Variants in LDB2 observed in about 807,000 individuals in gnomAD.
The protein encoded by LDB2 is LIM domain binding 2.
A neutral mutation model predicts 44.3 loss-of-function variants in LDB2; 12 were observed. The ratio of observed to expected loss-of-function variants is 0.27; its 90% CI spans 0.17 to 0.44. The LOEUF is 0.44. Ranked by LOEUF, LDB2 falls within the 20% of genes least tolerant of loss-of-function variation. LDB2 has a pLI of 1.00. For missense variants in LDB2, 344 were observed against 473.5 expected (o/e 0.73, Z 2.54); for synonymous variants, 164 against 174.8 (o/e 0.94, Z 0.49).
intron 2 of LDB2, among the ~76,000 whole-genome samples, chr4:16,614,580 C>CAAAAAAAAAAA (rs1164613202): frequency 4.5e-3 from 241 of 53,218 alleles, no homozygotes; most frequent in Non-Finnish European, 6.1e-3. Flanking sequence ...CAAGAAAAAA[C>CAAAAAAAAAAA]AAAAAAAAAA....
At chr4:16,846,416 G>GTAA (rs1157354306) in intron 1 of LDB2, among the ~76,000 whole-genome samples, 1 of 152,280 alleles carries the variant, frequency 6.6e-6, no homozygotes, top group East Asian at 1.9e-4. Context: ...GGTGCTGTTG[G>GTAA]TAAGCAAAAG....
chr4:16,696,786 G>C (rs1752224411), intron 2 of LDB2, among the ~76,000 whole-genome samples: 1 of 152,170 alleles, frequency 6.6e-6, no homozygotes, highest in Admixed American at 6.5e-5. Flanking sequence ...CTGCCAATGG[G>C]CTGTTTCTGC....
intron 2 of LDB2, among the ~76,000 whole-genome samples, chr4:16,664,965 A>G (rs942885086): frequency 1.2e-4 from 19 of 152,230 alleles, no homozygotes; most frequent in African/African-American, 4.6e-4. Context: ...GGCTAGGCCT[A>G]ACTAGGGTCT....
intron 2 of LDB2, among the ~76,000 whole-genome samples, chr4:16,630,485 C>A (rs1325879063): frequency 1.3e-5 from 2 of 152,042 alleles, no homozygotes; most frequent in Non-Finnish European, 1.5e-5. Flanking sequence ...GCAAAACATG[C>A]CAAATTGTAA....
At chr4:16,674,500 A>T (rs1392580445) in intron 2 of LDB2, among the ~76,000 whole-genome samples, 2 of 152,156 alleles carry the variant, frequency 1.3e-5, no homozygotes, top group Non-Finnish European at 2.9e-5. Flanking sequence ...CATGCTTATT[A>T]TAAGTTCATT....
At chr4:16,885,578 A>G (rs1017283804) in intron 1 of LDB2, among the ~76,000 whole-genome samples, 4 of 152,174 alleles carry the variant, frequency 2.6e-5, no homozygotes, top group Admixed American at 6.5e-5. Flanking sequence ...TGTCCTTCAG[A>G]GGTGTCATAA....
chr4:16,589,610 T>G (rs1351248288), intron 3 of LDB2, among the ~76,000 whole-genome samples: 1 of 152,214 alleles, frequency 6.6e-6, no homozygotes, highest in Non-Finnish European at 1.5e-5. Context: ...AGCATGTAGT[T>G]CCTATTTTAT....
chr4:16,608,532 C>T (rs896274057), intron 2 of LDB2, among the ~76,000 whole-genome samples: 2 of 152,206 alleles, frequency 1.3e-5, no homozygotes, highest in African/African-American at 2.4e-5. Context: ...CAAGAGAAAG[C>T]GGCCTCTGCG....
intron 2 of LDB2, among the ~76,000 whole-genome samples, chr4:16,715,746 A>T (rs1756941796): frequency 1.3e-5 from 2 of 152,072 alleles, no homozygotes; most frequent in Admixed American, 1.3e-4. Flanking sequence ...TACTAAGAGG[A>T]TCTCCTCAAC....
At chr4:16,717,919 T>C (rs904572472) in intron 2 of LDB2, among the ~76,000 whole-genome samples, 1 of 152,176 alleles carries the variant, frequency 6.6e-6, no homozygotes, top group African/African-American at 2.4e-5. Flanking sequence ...AAACTCAGTA[T>C]GACAGCAATA....
intron 1 of LDB2, among the ~76,000 whole-genome samples, chr4:16,802,076 C>T (rs747916814): frequency 1.4e-4 from 21 of 152,120 alleles, no homozygotes; most frequent in Non-Finnish European, 1.9e-4. Context: ...GGTGAATTAG[C>T]GAAATAATGT....
At chr4:16,819,018 A>T (rs562576726) in intron 1 of LDB2, among the ~76,000 whole-genome samples, 8 of 152,292 alleles carry the variant, frequency 5.3e-5, no homozygotes, top group African/African-American at 1.9e-4. Flanking sequence ...TAAACAAAGT[A>T]ATAGAAAGTA....
intron 1 of LDB2, among the ~76,000 whole-genome samples, chr4:16,875,767 C>G (rs1361343727): frequency 6.6e-6 from 1 of 152,162 alleles, no homozygotes; most frequent in Non-Finnish European, 1.5e-5. Context: ...CCAGGGACCA[C>G]CAGCCAAAGG....
intron 1 of LDB2, among the ~76,000 whole-genome samples, chr4:16,817,454 C>A (rs1781156067): frequency 6.6e-6 from 1 of 152,140 alleles, no homozygotes; most frequent in Non-Finnish European, 1.5e-5. Context: ...CTCTTTTAAG[C>A]CCCATGGGGA....
intron 2 of LDB2, among the ~76,000 whole-genome samples, chr4:16,699,280 T>C (rs1225250820): frequency 2.0e-5 from 3 of 152,250 alleles, no homozygotes; most frequent in African/African-American, 7.2e-5. Flanking sequence ...TAAAAGATTC[T>C]GCCATTCCTT....
intron 2 of LDB2, among the ~76,000 whole-genome samples, chr4:16,741,846 C>T (rs565155745): frequency 2.8e-4 from 42 of 152,178 alleles, no homozygotes; most frequent in African/African-American, 8.9e-4. Flanking sequence ...TTTATAAACT[C>T]CTTATTCTGC....
intron 2 of LDB2, among the ~76,000 whole-genome samples, chr4:16,604,547 A>C (rs1723428101): frequency 6.7e-6 from 1 of 150,088 alleles, no homozygotes; most frequent in African/African-American, 2.4e-5. Context: ...ATATATGTAT[A>C]ACAGAACTTT....
chr4:16,826,170 GAGAT>G (rs140835851), intron 1 of LDB2, among the ~76,000 whole-genome samples: 4,017 of 152,136 alleles, frequency 0.026, 179 homozygotes, highest in African/African-American at 0.092. Flanking sequence ...CATAGATCCA[GAGAT>G]AGATAGATTA....
chr4:16,598,679 G>A (rs897835910), intron 2 of LDB2, among the ~76,000 whole-genome samples: 1 of 152,070 alleles, frequency 6.6e-6, no homozygotes, highest in African/African-American at 2.4e-5. Context: ...TTCCCTGAAA[G>A]AAAGAGGGAA....
Sources: allele counts gnomAD v4.1 joint callset (sites outside exome capture counted in the v4.1 genomes callset), GRCh38; gene constraint gnomAD v4.1.1; transcripts MANE v1.5; gene names NCBI Gene and HGNC (gene_info 2026-07-23, HGNC 2026-07-21).